Variants in OR56A3 observed in about 807,000 individuals in gnomAD.
OR56A3 encodes olfactory receptor 56A3.
A neutral mutation model predicts 17.5 loss-of-function variants in OR56A3; 23 were observed. That is an observed-to-expected ratio of 1.32 (90% CI 0.95 to 1.87). The LOEUF is 1.87. Among genes scored for constraint, OR56A3 ranks in the 40% most tolerant of loss-of-function variants. OR56A3 has a pLI of 0.00. For missense variants in OR56A3, 366 were observed against 380.1 expected (o/e 0.96, Z 0.31); for synonymous variants, 175 against 150.6 (o/e 1.16, Z -1.19).
rs3082300 is a variant in OR56A3, at chr11:5,945,579, TAAAAAA to T, written c.-37+516_-37+521del. Among the ~76,000 whole-genome samples the T allele has an allele frequency of 6.5e-4, 74 of 114,518 alleles. 1 individual carries two copies. Among genetic ancestry groups the T allele is most frequent in the East Asian group, 2.4e-3 (10 of 4,116 alleles). 75.1% of individuals were successfully genotyped at this position (114,518 alleles called of 152,430 possible). A position where few individuals can be genotyped will look rare whatever the true frequency, so the allele number is the denominator to read the frequency against. On this transcript the variant is annotated intron_variant, in intron 2 of 2. Coordinates refer to ENST00000641160, the MANE Select transcript of OR56A3 (RefSeq NM_001003443.3). ...TCTGGCAACAGAGCTAGACCCCATA[TAAAAAA>T]AAAAAAAAAAAAAAAAAATTATTTC...
At chr11:5,965,923 T>C in the OR56A3 span, among the ~76,000 whole-genome samples, 2 of 151,918 alleles carry the variant, frequency 1.3e-5, no homozygotes, top group African/African-American at 4.8e-5. Context: ...AGGAGGGACA[T>C]AATGTTAAAA....
the OR56A3 span, among the ~76,000 whole-genome samples, chr11:5,972,125 T>A: frequency 2.0e-5 from 3 of 152,308 alleles, no homozygotes; most frequent in East Asian, 5.8e-4. Context: ...CTTGGACTTG[T>A]GTCATAATAA....
the OR56A3 span, among the ~76,000 whole-genome samples, chr11:5,990,645 A>G: frequency 6.6e-6 from 1 of 152,176 alleles, no homozygotes; most frequent in African/African-American, 2.4e-5. Flanking sequence ...GAACTTACAG[A>G]AACAGTAGGG....
At chr11:5,968,171 G>GC in the OR56A3 span, 7 of 1,614,074 alleles carry the variant, frequency 4.3e-6, no homozygotes, top group East Asian at 1.6e-4. Flanking sequence ...TCAGAAAACT[G>GC]TTCATGATGA....
the OR56A3 span, chr11:5,967,295 C>T: frequency 2.4e-6 from 1 of 423,944 alleles, no homozygotes; most frequent in Non-Finnish European, 4.2e-6. Flanking sequence ...GTGATTATGG[C>T]TTGTCAATTC....
the OR56A3 span, among the ~76,000 whole-genome samples, chr11:6,005,710 C>G: frequency 6.6e-6 from 1 of 152,286 alleles, no homozygotes; most frequent in East Asian, 1.9e-4. Flanking sequence ...GAGCTCATTT[C>G]TTAGTTCAGA....
the OR56A3 span, among the ~76,000 whole-genome samples, chr11:5,980,289 G>A: frequency 1.3e-5 from 2 of 152,128 alleles, no homozygotes; most frequent in South Asian, 4.2e-4. Context: ...ATGGGGTATT[G>A]AAATCTCCCA....
chr11:5,998,584 G>A, the OR56A3 span, among the ~76,000 whole-genome samples: 1 of 152,148 alleles, frequency 6.6e-6, no homozygotes, highest in Non-Finnish European at 1.5e-5. Context: ...CAGGTGAAGT[G>A]CCAAGTGACA....
the OR56A3 span, among the ~76,000 whole-genome samples, chr11:5,969,008 A>C: frequency 6.6e-6 from 1 of 152,236 alleles, no homozygotes; most frequent in African/African-American, 2.4e-5. Flanking sequence ...GAGATGGAAA[A>C]AATATATAAT....
chr11:5,968,024 A>G, the OR56A3 span: 1 of 1,598,292 alleles, frequency 6.3e-7, no homozygotes, highest in Non-Finnish European at 8.5e-7. Flanking sequence ...GCATAGTAAG[A>G]AGGCCATTCC....
At chr11:6,008,812 A>G in the OR56A3 span, among the ~76,000 whole-genome samples, 1 of 152,296 alleles carries the variant, frequency 6.6e-6, no homozygotes, top group East Asian at 1.9e-4. Flanking sequence ...AATGTAACAT[A>G]TAATTACACC....
chr11:6,002,308 G>A, the OR56A3 span: 13 of 1,614,076 alleles, frequency 8.1e-6, no homozygotes, highest in South Asian at 1.1e-4. Context: ...TTGATCCTAA[G>A]CACAACTTTC....
chr11:5,966,265 T>C, the OR56A3 span, among the ~76,000 whole-genome samples: 2 of 150,310 alleles, frequency 1.3e-5, no homozygotes, highest in East Asian at 3.9e-4. Flanking sequence ...TCCCAGCTAC[T>C]TGGGAGGCTG....
chr11:5,947,177 A>G, intron 2 of OR56A3, 134 bp from the exon 3 acceptor site: 1 of 625,232 alleles, frequency 1.6e-6, no homozygotes, highest in East Asian at 2.7e-5. Flanking sequence ...GTGACATGAC[A>G]CTGAGGAAAA....
the OR56A3 span, among the ~76,000 whole-genome samples, chr11:5,973,610 T>C: frequency 1.3e-5 from 2 of 152,152 alleles, no homozygotes; most frequent in Non-Finnish European, 1.5e-5. Flanking sequence ...AATCAGTCAG[T>C]TGATTTTTTT....
chr11:5,963,895 A>G, the OR56A3 span, among the ~76,000 whole-genome samples: 1 of 151,744 alleles, frequency 6.6e-6, no homozygotes, highest in Non-Finnish European at 1.5e-5. Context: ...TATTCTTTTT[A>G]GTTCTTTTTT....
chr11:5,944,061 G>A (rs1367187789), intron 1 of OR56A3, among the ~76,000 whole-genome samples: 1 of 152,174 alleles, frequency 6.6e-6, no homozygotes, highest in Non-Finnish European at 1.5e-5. Context: ...AGTGCCCAGG[G>A]CATGAAGAAG....
the OR56A3 span, among the ~76,000 whole-genome samples, chr11:5,962,389 C>T: frequency 9.2e-5 from 14 of 152,228 alleles, no homozygotes; most frequent in South Asian, 8.3e-4. Flanking sequence ...TTTGGTATCC[C>T]GGTAATGCTG....
At chr11:6,005,808 A>G in the OR56A3 span, among the ~76,000 whole-genome samples, 2 of 152,228 alleles carry the variant, frequency 1.3e-5, no homozygotes, top group East Asian at 1.9e-4. Flanking sequence ...AGTCTCAACC[A>G]TAAGCCCTCA....
Sources: gnomAD v4.1 joint callset for allele counts (sites outside exome capture counted in the v4.1 genomes callset) on GRCh38, gnomAD v4.1.1 for gene constraint, MANE v1.5 for transcripts, NCBI Gene and HGNC (gene_info 2026-07-23, HGNC 2026-07-21) for gene names.